TIAM2: variants seen among roughly 807,000 people sequenced by gnomAD.
TIAM2 encodes the protein rho guanine nucleotide exchange factor TIAM2.
A neutral mutation model predicts 152.9 loss-of-function variants in TIAM2; 80 were observed. The ratio of observed to expected loss-of-function variants is 0.52; its 90% CI spans 0.44 to 0.63. The LOEUF (loss-of-function observed/expected upper bound fraction) is 0.63, where lower values mean the gene tolerates loss of function less well. Among genes scored for constraint, TIAM2 ranks in the 30% least tolerant of loss-of-function variants. TIAM2 has a pLI of 0.00. For missense variants in TIAM2, 1,965 were observed against 2,120.1 expected (o/e 0.93, Z 1.44); for synonymous variants, 804 against 838.0 (o/e 0.96, Z 0.70).
At chr6:155,002,523 TC>T (rs1035242546) in intron 1 of TIAM2, among the ~76,000 whole-genome samples, 2 of 152,228 alleles carry the variant, frequency 1.3e-5, no homozygotes, top group African/African-American at 2.4e-5. Flanking sequence ...TTATTCCCTG[TC>T]TGGTTAACCC....
intron 1 of TIAM2, chr6:155,013,956 G>C (rs1438050012): frequency 1.3e-5 from 1 of 79,490 alleles, no homozygotes; most frequent in Non-Finnish European, 2.8e-5. Context: ...ACACACACCT[G>C]AGATGGGGTA....
chr6:155,243,869 A>G (rs913464918), intron 16 of TIAM2, 142 bp from the exon 17 acceptor site: 1 of 582,170 alleles, frequency 1.7e-6, no homozygotes, highest in Non-Finnish European at 3.0e-6. Flanking sequence ...AAAAAAAAAA[A>G]AAAAAAAAGA....
intron 2 of TIAM2, among the ~76,000 whole-genome samples, chr6:155,118,423 C>T (rs1226400821): frequency 4.5e-5 from 5 of 112,162 alleles, no homozygotes; most frequent in South Asian, 2.8e-4. Context: ...TTTTCTTTTT[C>T]TTTTTCTTTT....
intron 1 of TIAM2, among the ~76,000 whole-genome samples, chr6:154,999,412 G>C (rs1778276404): frequency 1.3e-5 from 2 of 151,998 alleles, no homozygotes; most frequent in South Asian, 4.2e-4. Flanking sequence ...TTGCCATGTT[G>C]GCCAGGCTGG....
intron 1 of TIAM2, among the ~76,000 whole-genome samples, chr6:155,068,605 C>CCCT (rs950493523): frequency 6.7e-6 from 1 of 148,312 alleles, no homozygotes; most frequent in Non-Finnish European, 1.5e-5. Context: ...GGCACCCGCC[C>CCCT]CCCCATCACG....
chr6:155,223,889 C>T (rs7742211), intron 15 of TIAM2, among the ~76,000 whole-genome samples: 136,379 of 152,218 alleles, frequency 0.9, 61,181 homozygotes, highest in East Asian at 1. Context: ...TGTTGTCGTT[C>T]GCCCTTTTTC....
At chr6:155,148,879 T>C (rs1217299021) in intron 7 of TIAM2, among the ~76,000 whole-genome samples, 1 of 152,260 alleles carries the variant, frequency 6.6e-6, no homozygotes, top group African/African-American at 2.4e-5. Context: ...ATTTGCATTT[T>C]AGAGAAGGGA....
chr6:155,008,078 A>G (rs1426670891), intron 1 of TIAM2, among the ~76,000 whole-genome samples: 1 of 152,218 alleles, frequency 6.6e-6, no homozygotes, highest in African/African-American at 2.4e-5. Flanking sequence ...TGTCGACCTT[A>G]AATAATACAT....
At chr6:155,075,984 A>G (rs1777949187) in intron 1 of TIAM2, among the ~76,000 whole-genome samples, 1 of 152,298 alleles carries the variant, frequency 6.6e-6, no homozygotes, top group South Asian at 2.1e-4. Context: ...GAATACCCAC[A>G]TCAGCTGTTA....
chr6:155,249,634 T>C (rs2115344872), intron 20 of TIAM2, among the ~76,000 whole-genome samples: 1 of 152,314 alleles, frequency 6.6e-6, no homozygotes, highest in East Asian at 1.9e-4. Context: ...CTCTGTCTCA[T>C]TTCAAAAAGA....
chr6:155,169,389 T>G (rs959359439), intron 9 of TIAM2, among the ~76,000 whole-genome samples: 4 of 152,236 alleles, frequency 2.6e-5, no homozygotes, highest in African/African-American at 9.6e-5. Context: ...GTAGGTATTC[T>G]CTAAAGAGAT....
At chr6:155,172,653 T>TATATATATATATATATATAG (rs1780616962) in intron 9 of TIAM2, among the ~76,000 whole-genome samples, 9 of 15,098 alleles carry the variant, frequency 6.0e-4, no homozygotes, top group African/African-American at 2.0e-3. Context: ...TATATATATA[T>TATATATATATATATATATAG]ATATATATAT....
intron 1 of TIAM2, among the ~76,000 whole-genome samples, chr6:155,011,554 C>T (rs1236431194): frequency 6.7e-6 from 1 of 148,536 alleles, no homozygotes; most frequent in Non-Finnish European, 1.5e-5. Flanking sequence ...TCATATTGAT[C>T]TATTTTTCTC....
At position 155,148,235 on chromosome 6, in the gene TIAM2, G is replaced by C; in HGVS notation, c.1929G>C (p.Leu643=). 6.2e-7 allele frequency: 1 copy of C among 1,612,984 alleles called. No homozygotes were observed. Among genetic ancestry groups the C allele is most frequent in the South Asian group, 1.1e-5 (1 of 91,030 alleles). ...TGCTGAAGAACCAGACCAAAAACCT[G>C]CTTCAGAAGATAGACATGGACAGCA... ...LRLLKNQTKN[L]LQKIDMDSKM... The change falls in exon 7 of 27, where the codon CTG becomes CTC. Residue 643 remains leucine, a synonymous_variant. Coordinates refer to ENST00000682666, the MANE Select transcript of TIAM2 (RefSeq NM_012454.4).
At chr6:155,128,871 A>G (rs1028547140) in intron 3 of TIAM2, among the ~76,000 whole-genome samples, 2 of 152,128 alleles carry the variant, frequency 1.3e-5, no homozygotes, top group Non-Finnish European at 2.9e-5. Context: ...TGTCTCAAAA[A>G]AAAAGCAAAA....
At chr6:155,009,794 G>A (rs1008576369) in intron 1 of TIAM2, among the ~76,000 whole-genome samples, 3 of 152,094 alleles carry the variant, frequency 2.0e-5, no homozygotes, top group African/African-American at 7.2e-5. Flanking sequence ...TGAATCCAGT[G>A]GAAGAGAGGA....
At chr6:155,061,460 C>T (rs982462502) in intron 1 of TIAM2, among the ~76,000 whole-genome samples, 2 of 152,226 alleles carry the variant, frequency 1.3e-5, no homozygotes, top group East Asian at 1.9e-4. Flanking sequence ...TTAGCCTTCC[C>T]GCTTTTCGTA....
chr6:155,112,136 T>C (rs1778868625), intron 2 of TIAM2, among the ~76,000 whole-genome samples: 1 of 150,598 alleles, frequency 6.6e-6, no homozygotes, highest in South Asian at 2.1e-4. Flanking sequence ...TTTTTTTTTT[T>C]TTTTTTTGAG....
intron 1 of TIAM2, among the ~76,000 whole-genome samples, chr6:155,062,857 G>T (rs1394724357): frequency 6.6e-6 from 1 of 152,112 alleles, no homozygotes; most frequent in East Asian, 1.9e-4. Flanking sequence ...TTACAGGCGT[G>T]AGCCACCATG....
Sources: gnomAD v4.1 joint callset for allele counts (sites outside exome capture counted in the v4.1 genomes callset) on GRCh38, gnomAD v4.1.1 for gene constraint, MANE v1.5 for transcripts, NCBI Gene and HGNC (gene_info 2026-07-23, HGNC 2026-07-21) for gene names.